SLC22A23: variants seen among roughly 807,000 people sequenced by gnomAD.
SLC22A23 encodes the protein ion transporter protein.
In SLC22A23, 26 loss-of-function variants were observed where a neutral mutation model predicts 61.0. The observed-to-expected ratio is 0.43, with a 90% CI of 0.31 to 0.59. The LOEUF (loss-of-function observed/expected upper bound fraction) is 0.59, where lower values mean the gene tolerates loss of function less well. SLC22A23 is among the 20% of genes least tolerant of loss of function. The pLI is 0.11. For missense variants in SLC22A23, 796 were observed against 934.7 expected (o/e 0.85, Z 1.94); for synonymous variants, 430 against 413.9 (o/e 1.04, Z -0.47).
intron 3 of SLC22A23, among the ~76,000 whole-genome samples, chr6:3,382,809 C>G (rs533071476): frequency 2.6e-5 from 4 of 152,240 alleles, no homozygotes; most frequent in Middle Eastern, 3.4e-3. Flanking sequence ...GAGTCCTAGT[C>G]TAGTATTATA....
chr6:3,324,097 C>A lies in SLC22A23; in HGVS notation c.914-95G>T. On this transcript the variant is annotated intron_variant, in intron 3 of 9. Transcript: ENST00000406686. This position sits in a 1 kb window ranked among gnomAD's most constrained non-coding sequence, Gnocchi z 4.3. ...TGGGCCAGTGCACTGCTTAACCCAC[C>A]AACGACTGAAATTGTTTTCATCTGC... 1 of 1,447,808 alleles carries A rather than the reference C, an allele frequency of 6.9e-7. No homozygotes were observed. The highest frequency in any genetic ancestry group is 9.4e-7 in the Non-Finnish European group (1 of 1,058,896). The allele number at this position is 1,447,808 out of a possible 1,614,324, so 89.7% of individuals were successfully genotyped here.
At chr6:3,377,150 T>C (rs1766626126) in intron 3 of SLC22A23, among the ~76,000 whole-genome samples, 1 of 152,220 alleles carries the variant, frequency 6.6e-6, no homozygotes, top group Admixed American at 6.5e-5. Context: ...TGTTTACATA[T>C]CATCTGTGGC....
intron 1 of SLC22A23, among the ~76,000 whole-genome samples, chr6:3,442,326 G>C (rs921285423): frequency 6.6e-6 from 1 of 152,226 alleles, no homozygotes; most frequent in Non-Finnish European, 1.5e-5. Flanking sequence ...TTGTTCTGGA[G>C]ATGGATGATG....
intron 4 of SLC22A23, among the ~76,000 whole-genome samples, chr6:3,305,353 C>T (rs925106783): frequency 5.3e-5 from 8 of 152,198 alleles, no homozygotes; most frequent in South Asian, 4.1e-4. Flanking sequence ...GACGGCACTC[C>T]GGTGACTGAA....
intron 4 of SLC22A23, among the ~76,000 whole-genome samples, chr6:3,299,998 C>CCT (rs1761465869): frequency 2.5e-5 from 2 of 78,802 alleles, no homozygotes; most frequent in African/African-American, 8.9e-5. Flanking sequence ...TCAGGATAGA[C>CCT]TTTTTTTTTT....
chr6:3,368,224 C>T (rs1581763664), intron 3 of SLC22A23, among the ~76,000 whole-genome samples: 2 of 152,342 alleles, frequency 1.3e-5, no homozygotes, highest in Non-Finnish European at 2.9e-5. Flanking sequence ...GCCCCTCACA[C>T]CCTGCTCTTC....
intron 3 of SLC22A23, among the ~76,000 whole-genome samples, chr6:3,343,054 C>T (rs1374767287): frequency 6.6e-6 from 1 of 152,182 alleles, no homozygotes; most frequent in Non-Finnish European, 1.5e-5. Flanking sequence ...AACTTCTCAT[C>T]TTCACCTCTG....
intron 3 of SLC22A23, among the ~76,000 whole-genome samples, chr6:3,391,981 A>C (rs1279960000): frequency 1.3e-5 from 2 of 152,120 alleles, no homozygotes; most frequent in Non-Finnish European, 2.9e-5. Flanking sequence ...GGGCCAAACC[A>C]TGCAAGATAG....
chr6:3,287,146 G>A (rs556499252), intron 6 of SLC22A23, 55 bp from the exon 7 acceptor site: 25 of 1,530,962 alleles, frequency 1.6e-5, no homozygotes, highest in Middle Eastern at 1.7e-4. Flanking sequence ...CAGGGGCTGC[G>A]CTGCCTCCTG....
At chr6:3,438,546 G>T (rs778543478) in intron 1 of SLC22A23, 4 of 456,576 alleles carry the variant, frequency 8.8e-6, no homozygotes, top group South Asian at 6.2e-5. Flanking sequence ...GTTTCCTGCT[G>T]CTGACAACAC....
At position 3,325,462 on chromosome 6, in the gene SLC22A23, T is replaced by C. The variant is rs183272893; in HGVS notation, c.914-1460A>G. ...GCCACAAGCAAACAGATCATCATCATAGCTATCAGTGAACAAGAGAGAAAC... is the reference window on the plus strand; with the variant it reads ...GCCACAAGCAAACAGATCATCATCACAGCTATCAGTGAACAAGAGAGAAAC... On this transcript the variant is annotated intron_variant, in intron 3 of 9. Coordinates refer to ENST00000406686, the MANE Select transcript of SLC22A23 (RefSeq NM_015482.2). Among the ~76,000 whole-genome samples the C allele has an allele frequency of 2.2e-4, 33 of 152,362 alleles. No homozygotes were observed. In the East Asian group the frequency reaches 3.3e-3, roughly 15 times the overall value.
chr6:3,368,315 C>T (rs578054663), intron 3 of SLC22A23, among the ~76,000 whole-genome samples: 1 of 152,298 alleles, frequency 6.6e-6, no homozygotes, highest in South Asian at 2.1e-4. Context: ...CCGAGCTGCT[C>T]CTTGGCCATG....
chr6:3,415,722 G>A (rs1378353516), intron 2 of SLC22A23, 30 bp downstream of exon 2: 2 of 1,467,390 alleles, frequency 1.4e-6, no homozygotes, highest in Non-Finnish European at 9.3e-7. Flanking sequence ...GGCCTCCAAA[G>A]GTTCGTGCGG....
chr6:3,345,852 T>A (rs1764404431), intron 3 of SLC22A23, among the ~76,000 whole-genome samples: 1 of 152,254 alleles, frequency 6.6e-6, no homozygotes, highest in Non-Finnish European at 1.5e-5. Flanking sequence ...TACCTGCTGC[T>A]AAGCAGATTT....
At position 3,328,783 on chromosome 6, in the gene SLC22A23, C is replaced by A. The variant is rs183049845; in HGVS notation, c.914-4781G>T. Among the ~76,000 whole-genome samples, 2 of 152,254 alleles carry A rather than the reference C, an allele frequency of 1.3e-5. No individual in the cohort carries two copies. Among genetic ancestry groups the A allele is most frequent in the Admixed American group, 1.3e-4 (2 of 15,292 alleles). On this transcript the variant is annotated intron_variant, in intron 3 of 9. Coordinates refer to ENST00000406686, the MANE Select transcript of SLC22A23 (RefSeq NM_015482.2). This position sits in a 1 kb window ranked among gnomAD's most constrained non-coding sequence, Gnocchi z 5.0. The stretch of plus-strand genomic sequence containing the variant: ...TTCCTCGCAGAAAATCTCTAAATAT[C>A]TCCTGTTGTTTCCTCTTCTCTGGTT...
In SLC22A23 at chr6:3,360,931, T is replaced by C. The variant is rs1203454203; in HGVS notation, c.914-36929A>G. Among the ~76,000 whole-genome samples the C allele has an allele frequency of 1.3e-5, 2 of 152,190 alleles. No individual in the cohort carries two copies. The highest frequency in any genetic ancestry group is 2.4e-5 in the African/African-American group (1 of 41,440). On this transcript the variant is annotated intron_variant, in intron 3 of 9. Coordinates refer to ENST00000406686, the MANE Select transcript of SLC22A23 (RefSeq NM_015482.2). The surrounding 1 kb of genome is among the most constrained non-coding windows in gnomAD (Gnocchi z 4.6). Reference sequence around the variant, plus strand: ...GGAACAGAAGGTCAGAGCGTGGTACTGGGGTGACGAGAGGCGCTAGCGAAC... The same window carrying C: ...GGAACAGAAGGTCAGAGCGTGGTACCGGGGTGACGAGAGGCGCTAGCGAAC...
intron 2 of SLC22A23, among the ~76,000 whole-genome samples, chr6:3,413,796 G>A (rs1769452591): frequency 6.6e-6 from 1 of 152,166 alleles, no homozygotes. Flanking sequence ...GGCTCAAGCA[G>A]GGAGTCAAAT....
chr6:3,326,306 CT>C (rs1304176053), intron 3 of SLC22A23, among the ~76,000 whole-genome samples: 19 of 152,206 alleles, frequency 1.2e-4, no homozygotes, highest in Admixed American at 6.5e-4. Flanking sequence ...GGCGTGGCCC[CT>C]AACCCTTTGC....
chr6:3,421,441 C>G (rs1356580652), intron 1 of SLC22A23, among the ~76,000 whole-genome samples: 1 of 152,102 alleles, frequency 6.6e-6, no homozygotes, highest in Non-Finnish European at 1.5e-5. Flanking sequence ...ACCATAGTGC[C>G]ATTAAAAATT....
Sources: allele counts gnomAD v4.1 joint callset (sites outside exome capture counted in the v4.1 genomes callset), GRCh38; gene constraint gnomAD v4.1.1; non-coding constraint Gnocchi (gnomAD v3.1); transcripts MANE v1.5; gene names NCBI Gene and HGNC (gene_info 2026-07-23, HGNC 2026-07-21).